DSCAM: variants seen among roughly 807,000 people sequenced by gnomAD.
DSCAM encodes cell adhesion molecule DSCAM.
DSCAM carries 47 observed loss-of-function variants against 217.7 expected under a neutral mutation model. The observed-to-expected ratio is 0.22, with a 90% CI of 0.17 to 0.28. The LOEUF is 0.28. Among genes scored for constraint, DSCAM ranks in the 10% least tolerant of loss-of-function variants. DSCAM has a pLI of 1.00. For synonymous variants in DSCAM, 1,056 were observed against 1,015.3 expected, an observed-to-expected ratio of 1.04 and a Z score of -0.76; for missense variants, 2,080 against 2,618.3, an observed-to-expected ratio of 0.79 and a Z score of 4.49.
chr21:40,335,572 G>C (rs998300359), intron 8 of DSCAM, among the ~76,000 whole-genome samples: 6 of 152,110 alleles, frequency 3.9e-5, no homozygotes, highest in African/African-American at 1.4e-4. Flanking sequence ...TTACATTAAA[G>C]TATTATACCT....
In DSCAM at chr21:40,052,059, G is replaced by T. The variant is rs1259861601; in HGVS notation, c.5084C>A (p.Ala1695Asp). 1.2e-6 allele frequency: 2 copies of T among 1,614,020 alleles called. No homozygotes were observed. Among genetic ancestry groups the T allele is most frequent in the Non-Finnish European group, 1.7e-6 (2 of 1,180,038 alleles). Residue 1695 changes from alanine to aspartate, a missense_variant, in exon 30 of 33, where the codon GCT becomes GAT. This residue lies in a region of DSCAM where 1,144 missense variants were observed against 1,421.1 expected (regional missense o/e 0.81). Coordinates refer to ENST00000400454, the MANE Select transcript of DSCAM (RefSeq NM_001389.5). ...AGTGACCGTCAGGGACTTCTGCTTA[G>T]CTGCCTCTCCAAAGTCAGCATCCGT... is the stretch of plus-strand genomic sequence containing the variant. ...LLTDADFGEAAKQKSLTVTHT... is the reference protein window; with the variant it reads ...LLTDADFGEADKQKSLTVTHT...
At chr21:40,113,868 C>A (rs1378749632) in intron 20 of DSCAM, among the ~76,000 whole-genome samples, 3 of 151,976 alleles carry the variant, frequency 2.0e-5, no homozygotes, top group Admixed American at 6.6e-5. Context: ...ATGTGAAGGA[C>A]CTCTTCAAGG....
intron 5 of DSCAM, among the ~76,000 whole-genome samples, chr21:40,350,447 AAAAC>A (rs1481659270): frequency 3.3e-5 from 5 of 152,298 alleles, no homozygotes; most frequent in East Asian, 3.9e-4. Context: ...TACAAGGAAA[AAAAC>A]AAACAACCCC....
chr21:40,307,460 T>G (rs574188275), intron 9 of DSCAM, among the ~76,000 whole-genome samples: 13 of 152,212 alleles, frequency 8.5e-5, no homozygotes, highest in Non-Finnish European at 1.3e-4. Flanking sequence ...TGTGGAGAAA[T>G]AGGAACACTT....
chr21:40,608,199 C>T (rs1051103262), intron 3 of DSCAM, among the ~76,000 whole-genome samples: 2 of 152,222 alleles, frequency 1.3e-5, no homozygotes, highest in South Asian at 2.1e-4. Flanking sequence ...ATCCTAAAAA[C>T]GTGATGACAT....
chr21:40,353,482 C>A lies in DSCAM; in HGVS notation c.917G>T (p.Gly306Val). 1 of 1,607,562 alleles carries A rather than the reference C, an allele frequency of 6.2e-7. No individual in the cohort carries two copies. The highest frequency in any genetic ancestry group is 1.1e-5 in the South Asian group (1 of 89,338). The change falls in exon 5 of 33, where the codon GGC becomes GTC. Residue 306 changes from glycine to valine, a missense_variant. By Grantham distance (109) the Gly-to-Val change is moderately radical. Around this residue, in one of 5 missense-constraint regions of DSCAM, gnomAD observed 568 missense variants for 678.1 expected, o/e 0.84. Transcript: ENST00000400454. ...SNRYGTAKVI[G>V]RLYVKQPLKA... is the part of the protein sequence containing the mutation. ...CAACTTACGTTTCACGTACAGGCGG[C>A]CTATCACCTTAGCAGTTCCGTATCT...
At chr21:40,342,648 A>ATATTTT (rs61637421) in intron 6 of DSCAM, among the ~76,000 whole-genome samples, 1,721 of 80,206 alleles carry the variant, frequency 0.021, 49 homozygotes, top group Non-Finnish European at 0.028. Context: ...ATATATATAT[A>ATATTTT]TTTTTTTTTT....
intron 3 of DSCAM, among the ~76,000 whole-genome samples, chr21:40,399,351 C>T (rs1169640493): frequency 2.0e-5 from 3 of 152,110 alleles, no homozygotes; most frequent in Non-Finnish European, 2.9e-5. Context: ...AGCTATTTCA[C>T]ATTGATTTTG....
At chr21:40,765,130 C>G (rs2091375179) in intron 1 of DSCAM, among the ~76,000 whole-genome samples, 1 of 151,668 alleles carries the variant, frequency 6.6e-6, no homozygotes, top group African/African-American at 2.4e-5. Flanking sequence ...TCAGAAAGTT[C>G]TGTGGAACCA....
chr21:40,780,900 G>A (rs1451935960), intron 1 of DSCAM, among the ~76,000 whole-genome samples: 1 of 152,108 alleles, frequency 6.6e-6, no homozygotes, highest in Non-Finnish European at 1.5e-5. Flanking sequence ...CACTAAATAT[G>A]GTATAATACT....
chr21:40,494,512 A>C (rs796152470), intron 3 of DSCAM, among the ~76,000 whole-genome samples: 2 of 152,292 alleles, frequency 1.3e-5, no homozygotes, highest in African/African-American at 4.8e-5. Flanking sequence ...AGAAGAAATT[A>C]ATAGGTCATT....
intron 9 of DSCAM, among the ~76,000 whole-genome samples, chr21:40,309,919 T>C (rs959071885): frequency 6.6e-6 from 1 of 152,198 alleles, no homozygotes; most frequent in African/African-American, 2.4e-5. Context: ...AATCAGGCCA[T>C]AGTGCTGTGG....
intron 16 of DSCAM, among the ~76,000 whole-genome samples, chr21:40,161,758 A>C (rs966888923): frequency 4.6e-5 from 7 of 152,262 alleles, no homozygotes; most frequent in African/African-American, 1.7e-4. Context: ...TAAGGCTATT[A>C]TAAAACCAAT....
At chr21:40,206,897 C>G (rs2091132882) in intron 11 of DSCAM, among the ~76,000 whole-genome samples, 1 of 152,132 alleles carries the variant, frequency 6.6e-6, no homozygotes, top group Non-Finnish European at 1.5e-5. Context: ...GGCAGCAGAA[C>G]AAGACTTTGT....
intron 15 of DSCAM, among the ~76,000 whole-genome samples, chr21:40,173,547 G>C (rs1433429913): frequency 6.6e-6 from 1 of 152,158 alleles, no homozygotes; most frequent in Non-Finnish European, 1.5e-5. Flanking sequence ...GGTGTGCTCG[G>C]CTCTTCTCGC....
intron 32 of DSCAM, among the ~76,000 whole-genome samples, chr21:40,040,352 TCCAACAATATGAGCAGCGTG>T (rs2088722839): frequency 6.6e-6 from 1 of 152,138 alleles, no homozygotes; most frequent in African/African-American, 2.4e-5. Context: ...TAAGAAACAA[TCCAACAATATGAGCAGCGTG>T]CCATCAAAAA....
At chr21:40,731,728 A>ACCCCCCCCCCCCCC (rs148482159) in intron 1 of DSCAM, among the ~76,000 whole-genome samples, 3 of 79,676 alleles carry the variant, frequency 3.8e-5, no homozygotes, top group African/African-American at 8.8e-5. Flanking sequence ...TTCCCACTGC[A>ACCCCCCCCCCCCCC]CCCCCCCCCC....
Position 40,012,892 on chromosome 21 carries a change from GTTTCAGTAT to G in DSCAM, c.*133_*141del. 3.3e-6 allele frequency: 2 copies of G among 612,382 alleles called. No homozygotes were observed. Among genetic ancestry groups the G allele is most frequent in the South Asian group, 1.2e-4 (2 of 16,850 alleles). The allele number at this position is 612,382 out of a possible 1,614,324, so 37.9% of individuals were successfully genotyped here. On this transcript the variant is annotated 3_prime_UTR_variant, in exon 33 of 33. Transcript: ENST00000400454. ...CAGGAGAGTCTTTGCACTGTCTGTG[GTTTCAGTAT>G]TTTCTCTTTTTTTTTTTTAATATAT... is the stretch of plus-strand genomic sequence containing the variant.
intron 3 of DSCAM, among the ~76,000 whole-genome samples, chr21:40,436,571 C>T (rs542185801): frequency 3.9e-5 from 6 of 152,114 alleles, no homozygotes; most frequent in Non-Finnish European, 8.8e-5. Flanking sequence ...CTCTTATTGA[C>T]CCAGATGACA....
Sources: gnomAD v4.1 joint callset for allele counts (sites outside exome capture counted in the v4.1 genomes callset) on GRCh38, gnomAD v4.1.1 for gene constraint, gnomAD v4.1.1 regional missense constraint, MANE v1.5 for transcripts, NCBI Gene and HGNC (gene_info 2026-07-23, HGNC 2026-07-21) for gene names.